The following CADM2 variants were observed in gnomAD, a reference collection of about 807,000 sequenced individuals.
CADM2 encodes the protein immunoglobulin superfamily member 4D.
A neutral mutation model predicts 49.8 loss-of-function variants in CADM2; 12 were observed. The ratio of observed to expected loss-of-function variants is 0.24; its 90% CI spans 0.15 to 0.39. The LOEUF (loss-of-function observed/expected upper bound fraction) is 0.39, where lower values mean the gene tolerates loss of function less well. CADM2 is among the 10% of genes least tolerant of loss of function. The pLI is 1.00. For synonymous variants in CADM2, 214 were observed against 175.4 expected, an observed-to-expected ratio of 1.22 and a Z score of -1.74; for missense variants, 378 against 492.3, an observed-to-expected ratio of 0.77 and a Z score of 2.20.
intron 1 of CADM2, among the ~76,000 whole-genome samples, chr3:85,576,427 G>A (rs1306850561): frequency 6.6e-6 from 1 of 152,042 alleles, no homozygotes; most frequent in African/African-American, 2.4e-5. Flanking sequence ...TGCATTTTAT[G>A]ACAAAATCCT....
At chr3:85,192,092 T>C (rs1018535099) in intron 1 of CADM2, among the ~76,000 whole-genome samples, 56 of 151,326 alleles carry the variant, frequency 3.7e-4, no homozygotes, top group African/African-American at 1.3e-3. Flanking sequence ...TTATAATAAA[T>C]CATTCATAGT....
chr3:85,757,113 T>G (rs1307133717), intron 2 of CADM2, among the ~76,000 whole-genome samples: 1 of 152,076 alleles, frequency 6.6e-6, no homozygotes, highest in Non-Finnish European at 1.5e-5. Flanking sequence ...TATAAAATAT[T>G]AATATTAAGT....
At chr3:85,306,014 T>G (rs2044203529) in intron 1 of CADM2, among the ~76,000 whole-genome samples, 2 of 151,634 alleles carry the variant, frequency 1.3e-5, no homozygotes, top group African/African-American at 2.4e-5. Flanking sequence ...ACCCAAGATC[T>G]CCAAAAATGT....
intron 2 of CADM2, among the ~76,000 whole-genome samples, chr3:85,771,560 A>G (rs1022765453): frequency 1.3e-5 from 2 of 152,076 alleles, no homozygotes; most frequent in African/African-American, 4.8e-5. Context: ...TACATATTAC[A>G]TGCTTTTAAA....
At chr3:85,399,360 G>C (rs910583306) in intron 1 of CADM2, among the ~76,000 whole-genome samples, 1 of 151,856 alleles carries the variant, frequency 6.6e-6, no homozygotes, top group African/African-American at 2.4e-5. Context: ...CTCTTTTTTC[G>C]TACCAGTACC....
chr3:85,453,259 C>T (rs2037834087), intron 1 of CADM2, among the ~76,000 whole-genome samples: 1 of 151,840 alleles, frequency 6.6e-6, no homozygotes, highest in Non-Finnish European at 1.5e-5. Flanking sequence ...AAAATAAATG[C>T]ATAGTATAAT....
intron 1 of CADM2, among the ~76,000 whole-genome samples, chr3:85,147,665 T>C: frequency 6.9e-6 from 1 of 144,840 alleles, no homozygotes; most frequent in East Asian, 2.0e-4. Context: ...AGTGAGATAA[T>C]AATGTAGATC....
At chr3:85,483,564 T>A (rs1384281906) in intron 1 of CADM2, among the ~76,000 whole-genome samples, 1 of 150,898 alleles carries the variant, frequency 6.6e-6, no homozygotes, top group Non-Finnish European at 1.5e-5. Context: ...TTATAACATT[T>A]CCAATTGTAT....
intron 8 of CADM2, among the ~76,000 whole-genome samples, chr3:85,996,290 C>CTTTTTT (rs397990432): frequency 1.2e-3 from 105 of 89,268 alleles, no homozygotes; most frequent in Middle Eastern, 8.2e-3. Flanking sequence ...TTTTCATTTA[C>CTTTTTT]TTTTTTTTTT....
chr3:85,961,857 T>C (rs1239176173), intron 8 of CADM2, among the ~76,000 whole-genome samples: 1 of 151,946 alleles, frequency 6.6e-6, no homozygotes, highest in Non-Finnish European at 1.5e-5. Context: ...ATAAAATTTT[T>C]TTTTGTAAAA....
At chr3:85,847,852 A>T (rs75133856) in intron 3 of CADM2, among the ~76,000 whole-genome samples, 9,790 of 152,258 alleles carry the variant, frequency 0.064, 531 homozygotes, top group East Asian at 0.19. Flanking sequence ...ACTCAGAGAT[A>T]TAAATATGCT....
intron 1 of CADM2, among the ~76,000 whole-genome samples, chr3:85,292,248 A>C (rs186776316): frequency 8.3e-4 from 124 of 149,348 alleles, no homozygotes; most frequent in Non-Finnish European, 1.3e-3. Context: ...ACTATCCTAA[A>C]TATATATGCA....
chr3:85,358,507 G>A (rs115195206), intron 1 of CADM2, among the ~76,000 whole-genome samples: 1,993 of 152,190 alleles, frequency 0.013, 44 homozygotes, highest in African/African-American at 0.046. Flanking sequence ...AATTCAATTG[G>A]TGGGTGTGAG....
chr3:85,964,386 T>C (rs1725219389), intron 8 of CADM2, among the ~76,000 whole-genome samples: 1 of 151,782 alleles, frequency 6.6e-6, no homozygotes, highest in South Asian at 2.1e-4. Context: ...TTGATGGAGT[T>C]CTGAGCACTT....
At chr3:85,117,562 AT>A (rs1256356696) in intron 1 of CADM2, among the ~76,000 whole-genome samples, 1 of 152,164 alleles carries the variant, frequency 6.6e-6, no homozygotes, top group Non-Finnish European at 1.5e-5. Flanking sequence ...TTTTAAATAT[AT>A]TTATCTGAAG....
At chr3:85,178,196 A>G (rs1457554030) in intron 1 of CADM2, among the ~76,000 whole-genome samples, 2 of 151,928 alleles carry the variant, frequency 1.3e-5, no homozygotes, top group Non-Finnish European at 2.9e-5. Flanking sequence ...TAAATATAGC[A>G]ATTTGGCTAA....
intron 1 of CADM2, among the ~76,000 whole-genome samples, chr3:85,287,532 A>G (rs1386965747): frequency 6.6e-6 from 1 of 152,072 alleles, no homozygotes; most frequent in African/African-American, 2.4e-5. Context: ...TGTGAAAATC[A>G]ATTTCCTAAA....
chr3:84,972,410 A>C (rs2107097234), intron 1 of CADM2, among the ~76,000 whole-genome samples: 1 of 152,360 alleles, frequency 6.6e-6, no homozygotes, highest in Non-Finnish European at 1.5e-5. Context: ...ATATGTAAAC[A>C]GATTTTTTAT....
At chr3:85,212,813 T>C (rs560775821) in intron 1 of CADM2, among the ~76,000 whole-genome samples, 4 of 23,236 alleles carry the variant, frequency 1.7e-4, no homozygotes, top group Middle Eastern at 0.022. Context: ...CTTTTTCTTC[T>C]CTTTCTTTCT....
Sources: allele counts gnomAD v4.1 joint callset (sites outside exome capture counted in the v4.1 genomes callset), GRCh38; gene constraint gnomAD v4.1.1; transcripts MANE v1.5; gene names NCBI Gene and HGNC (gene_info 2026-07-23, HGNC 2026-07-21).